The following VSX1 variants were observed in gnomAD, a reference collection of about 807,000 sequenced individuals.
VSX1 encodes visual system homeobox 1.
In VSX1, 23 loss-of-function variants were observed where a neutral mutation model predicts 23.6. The ratio of observed to expected loss-of-function variants is 0.97; its 90% CI spans 0.70 to 1.38. The LOEUF (loss-of-function observed/expected upper bound fraction) is 1.38, where lower values mean the gene tolerates loss of function less well. Ranked by LOEUF, VSX1 falls within the 40% of genes most tolerant of loss-of-function variation. The probability of loss-of-function intolerance (pLI) is 0.00; values close to 1 mark genes in which losing one functional copy is unlikely to be tolerated. For missense variants in VSX1, 517 were observed against 495.4 expected (o/e 1.04, Z -0.41); for synonymous variants, 247 against 215.1 (o/e 1.15, Z -1.30).
Position 25,081,995 on chromosome 20 carries a change from C to A in VSX1, c.102G>T (p.Thr34=). 6.5e-7 allele frequency: 1 copy of A among 1,534,282 alleles called. No individual in the cohort carries two copies. The highest frequency in any genetic ancestry group is 8.7e-7 in the Non-Finnish European group (1 of 1,146,682). Residue 34 remains threonine, a synonymous_variant, in exon 1 of 5, where the codon ACG becomes ACT. Transcript: ENST00000376709. The part of the protein sequence containing the change: ...RGSRPRGFAI[T]DLLGLEAELP... Reference sequence around the variant, plus strand: ...GCTCGGCCTCCAAGCCCAGCAGGTCCGTGATGGCGAAGCCCCGGGGGCGCG... The same window carrying A: ...GCTCGGCCTCCAAGCCCAGCAGGTCAGTGATGGCGAAGCCCCGGGGGCGCG...
Position 25,081,709 on chromosome 20 carries a change from C to T in VSX1, c.388G>A (p.Gly130Ser), listed in dbSNP as rs894374947. The T allele has an allele frequency of 2.2e-5, 33 of 1,503,110 alleles. No individual in the cohort carries two copies. The highest frequency in any genetic ancestry group is 2.1e-4 in the Admixed American group (10 of 46,998). The allele number at this position is 1,503,110 out of a possible 1,614,324, so 93.1% of individuals were successfully genotyped here. A position where few individuals can be genotyped will look rare whatever the true frequency, so the allele number is the denominator to read the frequency against. Residue 130 changes from glycine to serine, a missense_variant, in exon 1 of 5, where the codon GGC becomes AGC. Coordinates refer to ENST00000376709, the MANE Select transcript of VSX1 (RefSeq NM_014588.6). ...ACGCTGTCGCTGCGCTTCTGGCGGC[C>T]GAGCGCAGGCGGCGGACGGCTGGGA... ...LAPSRPPPALGRQKRSDSVST... is the reference protein window; with the variant it reads ...LAPSRPPPALSRQKRSDSVST...
At position 25,082,004 on chromosome 20, in the gene VSX1, G is replaced by A; in HGVS notation, c.93C>T (p.Phe31=). ...GSPRGSRPRG[F]AITDLLGLEA... ...CCAAGCCCAGCAGGTCCGTGATGGC[G>A]AAGCCCCGGGGGCGCGAGCCCCTAG... is the stretch of plus-strand genomic sequence containing the variant. Residue 31 remains phenylalanine, a synonymous_variant, in exon 1 of 5, where the codon TTC becomes TTT. Transcript: ENST00000376709. 2.0e-6 allele frequency: 3 copies of A among 1,534,572 alleles called. No homozygotes were observed. Among genetic ancestry groups the A allele is most frequent in the Non-Finnish European group, 2.6e-6 (3 of 1,146,740 alleles).
rs1477530058 is a variant in VSX1, at chr20:25,077,731, G to A, written c.762C>T (p.Asn254=). The change falls in exon 4 of 5, where the codon AAC becomes AAT. Residue 254 remains asparagine (N), a synonymous_variant. Transcript: ENST00000376709. ...HCIPLPDSVL[N]SAEGGLLGSC... ...AGCCCAGCAGGCCGCCCTCGGCGGAGTTGAGCACGGAGTCTGGCAGCGGGA... is the reference window on the plus strand; with the variant it reads ...AGCCCAGCAGGCCGCCCTCGGCGGAATTGAGCACGGAGTCTGGCAGCGGGA... 1.3e-6 allele frequency: 2 copies of A among 1,550,216 alleles called. No homozygotes were observed. Among genetic ancestry groups the A allele is most frequent in the Non-Finnish European group, 1.7e-6 (2 of 1,146,908 alleles).
chr20:25,077,651 C>T (rs939292762), intron 4 of VSX1, 34 bp downstream of exon 4: 2 of 1,540,600 alleles, frequency 1.3e-6, no homozygotes, highest in East Asian at 2.4e-5. Flanking sequence ...CCTACAACAC[C>T]TCGAGCCGTG....
Position 25,081,980 on chromosome 20 carries a change from C to T in VSX1, c.117G>A (p.Leu39=), listed in dbSNP as rs749348182. The T allele has an allele frequency of 6.5e-7, 1 of 1,533,594 alleles. No homozygotes were observed. The highest frequency in any genetic ancestry group is 1.4e-5 in the African/African-American group (1 of 73,126). 95.0% of individuals were successfully genotyped at this position (1,533,594 alleles called of 1,614,324 possible). A position where few individuals can be genotyped will look rare whatever the true frequency, so the allele number is the denominator to read the frequency against. ...RGFAITDLLG[L]EAELPAPAGP... is the part of the protein sequence containing the mutation. ...CAGCGGGCGCCGGCAGCTCGGCCTCCAAGCCCAGCAGGTCCGTGATGGCGA... is the reference window on the plus strand; with the variant it reads ...CAGCGGGCGCCGGCAGCTCGGCCTCTAAGCCCAGCAGGTCCGTGATGGCGA... Residue 39 remains leucine, a synonymous_variant, in exon 1 of 5, where the codon TTG becomes TTA. Transcript: ENST00000376709.
Position 25,076,298 on chromosome 20 carries a change from A to G in VSX1, c.1061T>C (p.Leu354Pro). Residue 354 changes from leucine (L) to proline (P), a missense_variant, in exon 5 of 5, where the codon CTG becomes CCG. Leu to Pro is a moderately conservative substitution (Grantham distance 98, BLOSUM62 -3). Transcript: ENST00000376709. ...GAQGGSNSTA[L>P]EGPQPGKVGA... Reference sequence around the variant, plus strand: ...CACCTTCCCTGGCTGGGGCCCCTCCAGTGCCGTGGAGTTGGAGCCTCCTTG... The same window carrying G: ...CACCTTCCCTGGCTGGGGCCCCTCCGGTGCCGTGGAGTTGGAGCCTCCTTG... 6.2e-6 allele frequency: 10 copies of G among 1,614,196 alleles called. No homozygotes were observed. Among genetic ancestry groups the G allele is most frequent in the Non-Finnish European group, 8.5e-6 (10 of 1,180,034 alleles).
chr20:25,072,664 T>C (rs2089404560), downstream of VSX1: 1 of 471,088 alleles, frequency 2.1e-6, no homozygotes, highest in African/African-American at 2.0e-5. Flanking sequence ...AAAGAGATAA[T>C]GAATTTGAAC....
intron 3 of VSX1, 164 bp from the exon 4 acceptor site, chr20:25,078,029 G>T: frequency 1.0e-6 from 1 of 958,564 alleles, no homozygotes; most frequent in Non-Finnish European, 1.6e-6. Flanking sequence ...CCGCCCTCAG[G>T]GAGAGCGCCC....
Position 25,077,775 on chromosome 20 carries a change from C to T in VSX1, c.718G>A (p.Ala240Thr). 6.4e-7 allele frequency: 1 copy of T among 1,551,008 alleles called. No homozygotes were observed. The highest frequency in any genetic ancestry group is 8.7e-7 in the Non-Finnish European group (1 of 1,146,988). The stretch of plus-strand genomic sequence containing the variant: ...AGCGGGATGCAGTGGCGCACCATGG[C>T]CCCGTACAGCCCGTACTCGGCCATC... ...SVMAEYGLYG[A>T]MVRHCIPLPD... Residue 240 changes from alanine to threonine, a missense_variant, in exon 4 of 5, where the codon GCC (alanine) becomes ACC (threonine). Physicochemically the swap from Ala to Thr is moderately conservative, Grantham distance 58. Coordinates refer to ENST00000376709, the MANE Select transcript of VSX1 (RefSeq NM_014588.6).
intron 4 of VSX1, 121 bp downstream of exon 4, chr20:25,077,564 C>G: frequency 8.2e-7 from 1 of 1,221,040 alleles, no homozygotes; most frequent in Non-Finnish European, 1.2e-6. Flanking sequence ...GGTTCTGGAC[C>G]TGAATCTCAG....
chr20:25,077,883 A>G lies in VSX1; in HGVS notation c.628-18T>C, dbSNP rs1285420861. ...AACCAGACCTGGTTGGAGGCAGGAG[A>G]AGCAGAAGGCACACAGAAGAGACAG... On this transcript the variant is annotated intron_variant, in intron 3 of 4. Transcript: ENST00000376709. The G allele has an allele frequency of 6.4e-7, 1 of 1,550,808 alleles. No individual in the cohort carries two copies. Among genetic ancestry groups the G allele is most frequent in the African/African-American group, 1.4e-5 (1 of 73,054 alleles).
chr20:25,079,901 C>T (rs2089604448), intron 1 of VSX1, among the ~76,000 whole-genome samples: 2 of 152,144 alleles, frequency 1.3e-5, no homozygotes, highest in African/African-American at 2.4e-5. Context: ...CTTTCTATCC[C>T]CACACTGCTT....
In VSX1 at chr20:25,078,939, C is replaced by T; in HGVS notation, c.517G>A (p.Ala173Thr). 1.3e-5 allele frequency: 21 copies of T among 1,613,936 alleles called. No individual in the cohort carries two copies. Among genetic ancestry groups the T allele is most frequent in the Non-Finnish European group, 1.8e-5 (21 of 1,180,026 alleles). The stretch of plus-strand genomic sequence containing the variant: ...TTCTCCAACTCTTCCAGCTGGTGAG[C>T]AGTGAAAACTGTCCTGCAAGGACCC... ...KKRRHRTVFT[A>T]HQLEELEKAF... The change falls in exon 3 of 5, where the codon GCT (alanine) becomes ACT (threonine). Residue 173 changes from alanine (A) to threonine (T), a missense_variant. Transcript: ENST00000376709.
At chr20:25,071,497 T>C, downstream of VSX1, 1 of 450,584 alleles carries the variant, frequency 2.2e-6, no homozygotes. Flanking sequence ...TTTTTTTTTC[T>C]TCAAGGCATT....
chr20:25,071,860 G>A (rs2089385748), downstream of VSX1: 1 of 716,014 alleles, frequency 1.4e-6, no homozygotes, highest in South Asian at 1.5e-5. Flanking sequence ...TGCTTCCTGA[G>A]GCAGAACAAT....
chr20:25,081,350 C>T (rs1470758698), intron 1 of VSX1: 2 of 616,772 alleles, frequency 3.2e-6, no homozygotes, highest in African/African-American at 1.8e-5. Flanking sequence ...TGGCGCCTGG[C>T]GCTGGGGGGA....
chr20:25,073,825 G>C (rs925815224), downstream of VSX1, among the ~76,000 whole-genome samples: 1 of 152,148 alleles, frequency 6.6e-6, no homozygotes, highest in South Asian at 2.1e-4. Flanking sequence ...CAAAGTCCTC[G>C]TCTCCAGACT....
downstream of VSX1, among the ~76,000 whole-genome samples, chr20:25,072,797 A>C (rs2089406929): frequency 6.6e-6 from 1 of 152,236 alleles, no homozygotes. Flanking sequence ...TATCACCTTA[A>C]TTCATGAATG....
chr20:25,079,482 G>A lies in VSX1; in HGVS notation c.457C>T (p.Leu153=), dbSNP rs2089593406. The A allele has an allele frequency of 3.1e-6, 5 of 1,612,982 alleles. No individual in the cohort carries two copies. Among genetic ancestry groups the A allele is most frequent in the Non-Finnish European group, 4.2e-6 (5 of 1,179,686 alleles). ...EDSQSEDRND[L]KASPTLGKRK... ...TTGCCCAAGGTGGGGGATGCCTTTA[G>A]GTCATTCCTGTCTTCAGACTGGCTG... The change falls in exon 2 of 5, where the codon CTA becomes TTA. Residue 153 remains leucine (L), a synonymous_variant. Transcript: ENST00000376709.
Sources: allele counts gnomAD v4.1 joint callset (sites outside exome capture counted in the v4.1 genomes callset), GRCh38; gene constraint gnomAD v4.1.1; transcripts MANE v1.5; gene names NCBI Gene and HGNC (gene_info 2026-07-23, HGNC 2026-07-21).